Variants in TBC1D1 observed in about 807,000 individuals in gnomAD.
TBC1D1 encodes the protein TBC1 domain family member 1.
TBC1D1 carries 89 observed loss-of-function variants against 125.6 expected under a neutral mutation model. The ratio of observed to expected loss-of-function variants is 0.71; its 90% CI spans 0.60 to 0.85. The LOEUF is 0.85. TBC1D1 is among the 40% of genes least tolerant of loss of function. The pLI is 0.00. For synonymous variants in TBC1D1, 565 were observed against 564.1 expected (o/e 1.00, Z -0.02); for missense variants, 1,377 against 1,469.2 (o/e 0.94, Z 1.03).
chr4:38,058,876 G>C (rs1295092510), intron 12 of TBC1D1, among the ~76,000 whole-genome samples: 2 of 152,200 alleles, frequency 1.3e-5, no homozygotes, highest in Non-Finnish European at 2.9e-5. Flanking sequence ...TGGAGAGAAG[G>C]GTGTTAAGTG....
At chr4:37,994,443 C>T (rs1024149302) in intron 2 of TBC1D1, among the ~76,000 whole-genome samples, 4 of 152,186 alleles carry the variant, frequency 2.6e-5, no homozygotes, top group Non-Finnish European at 5.9e-5. Context: ...GTGTGCACCA[C>T]TGTGTTGCCC....
At chr4:38,117,000 T>C (rs776725131) in intron 16 of TBC1D1, among the ~76,000 whole-genome samples, 3 of 152,228 alleles carry the variant, frequency 2.0e-5, no homozygotes, top group Non-Finnish European at 4.4e-5. Flanking sequence ...CATAACACTT[T>C]CCACATGTAC....
Position 38,020,682 on chromosome 4 carries a change from C to G in TBC1D1, c.1064C>G (p.Thr355Arg). ...TTTGTCTGTTACGTGTTTCAGTGCA[C>G]AAATGAGGCTCTGGTGAGAGAGGAC... is the stretch of plus-strand genomic sequence containing the variant. Residue 355 changes from threonine (T) to arginine (R), a missense_variant, in exon 5 of 20, where the codon ACA becomes AGA. Physicochemically the swap from Thr to Arg is moderately conservative, Grantham distance 71 (BLOSUM62 -1). Coordinates refer to ENST00000261439, the MANE Select transcript of TBC1D1 (RefSeq NM_015173.4). The G allele has an allele frequency of 6.2e-7, 1 of 1,612,150 alleles. No individual in the cohort carries two copies. The highest frequency in any genetic ancestry group is 1.1e-5 in the South Asian group (1 of 91,070).
At chr4:38,013,967 A>G (rs1238397275) in intron 2 of TBC1D1, among the ~76,000 whole-genome samples, 1 of 152,250 alleles carries the variant, frequency 6.6e-6, no homozygotes, top group Non-Finnish European at 1.5e-5. Flanking sequence ...CTGGGATTTG[A>G]ATAAATAATT....
intron 2 of TBC1D1, among the ~76,000 whole-genome samples, chr4:37,928,914 A>G (rs1722703244): frequency 6.6e-6 from 1 of 152,216 alleles, no homozygotes; most frequent in Admixed American, 6.5e-5. Context: ...ACCACAGGCA[A>G]AATTCTCGGC....
chr4:38,103,181 G>A lies in TBC1D1; in HGVS notation c.2557+24G>A. On this transcript the variant is annotated intron_variant, in intron 15 of 19. Transcript: ENST00000261439. Reference sequence around the variant, plus strand: ...TGGTAAGTCTGTGCCATCGATTGGAGATGACAATGGAAGTTTCACTCACAT... The same window carrying A: ...TGGTAAGTCTGTGCCATCGATTGGAAATGACAATGGAAGTTTCACTCACAT... 3.1e-6 allele frequency: 5 copies of A among 1,590,678 alleles called. No individual in the cohort carries two copies. The South Asian group carries it at 3.4e-5, about 11-fold the overall frequency.
At chr4:38,096,613 C>A (rs948388412) in intron 14 of TBC1D1, among the ~76,000 whole-genome samples, 1 of 152,170 alleles carries the variant, frequency 6.6e-6, no homozygotes, top group Admixed American at 6.5e-5. Context: ...CATGTGTCTG[C>A]TATACTGTAA....
intron 12 of TBC1D1, among the ~76,000 whole-genome samples, chr4:38,065,978 C>T (rs73241083): frequency 0.026 from 3,902 of 152,286 alleles, 59 homozygotes; most frequent in Non-Finnish European, 0.04. Context: ...GAGATGAGGA[C>T]AGAAAGATTG....
At chr4:38,017,541 C>A (rs1301796210) in intron 3 of TBC1D1, among the ~76,000 whole-genome samples, 1 of 152,172 alleles carries the variant, frequency 6.6e-6, no homozygotes, top group Non-Finnish European at 1.5e-5. Context: ...GAGTATAATT[C>A]CCCTTGACTT....
intron 2 of TBC1D1, among the ~76,000 whole-genome samples, chr4:37,989,566 G>A (rs943761445): frequency 2.6e-5 from 4 of 152,178 alleles, no homozygotes; most frequent in Non-Finnish European, 4.4e-5. Context: ...AATGTTTTAC[G>A]GAGATTGATT....
chr4:38,028,917 A>G (rs1265013330), intron 7 of TBC1D1, among the ~76,000 whole-genome samples: 14 of 152,064 alleles, frequency 9.2e-5, no homozygotes, highest in Admixed American at 9.2e-4. Context: ...CATGCTGTCT[A>G]CTTGGAACCT....
chr4:38,101,667 A>G (rs1362420486), intron 14 of TBC1D1, among the ~76,000 whole-genome samples: 1 of 152,174 alleles, frequency 6.6e-6, no homozygotes, highest in East Asian at 1.9e-4. Context: ...CTTATCTTGC[A>G]GAAAGAAGCC....
chr4:37,966,725 T>A (rs1731149134), intron 2 of TBC1D1, among the ~76,000 whole-genome samples: 1 of 152,210 alleles, frequency 6.6e-6, no homozygotes, highest in African/African-American at 2.4e-5. Context: ...CAACTCATCA[T>A]TTACATTAGC....
At chr4:38,003,868 CAAA>C (rs5857592) in intron 2 of TBC1D1, among the ~76,000 whole-genome samples, 39 of 125,368 alleles carry the variant, frequency 3.1e-4, no homozygotes, top group Non-Finnish European at 3.7e-4. Flanking sequence ...GACCCTGTCT[CAAA>C]AAAAAAAAAA....
intron 5 of TBC1D1, 32 bp from the exon 6 acceptor site, chr4:38,021,554 T>C: frequency 6.8e-7 from 1 of 1,471,776 alleles, no homozygotes; most frequent in African/African-American, 1.4e-5. Context: ...ATTGACTTTT[T>C]GGTGACTACA....
At chr4:38,022,346 C>T (rs991046115) in intron 6 of TBC1D1, among the ~76,000 whole-genome samples, 1 of 152,190 alleles carries the variant, frequency 6.6e-6, no homozygotes, top group African/African-American at 2.4e-5. Context: ...ATTTAATCCT[C>T]ATCACATTTG....
At chr4:38,053,286 A>G (rs1751080536) in intron 11 of TBC1D1, 61 bp downstream of exon 13, 1 of 1,245,272 alleles carries the variant, frequency 8.0e-7, no homozygotes, top group African/African-American at 1.6e-5. Flanking sequence ...ATCATTAGAT[A>G]TACAAGGGTG....
intron 15 of TBC1D1, among the ~76,000 whole-genome samples, chr4:38,107,311 C>G (rs968632374): frequency 3.9e-5 from 6 of 152,238 alleles, no homozygotes; most frequent in Admixed American, 1.3e-4. Context: ...ACCTCCCCCA[C>G]TCCTCTCACC....
At chr4:38,122,988 G>A (rs985083234) in intron 17 of TBC1D1, among the ~76,000 whole-genome samples, 1 of 134,482 alleles carries the variant, frequency 7.4e-6, no homozygotes, top group Admixed American at 7.2e-5. Flanking sequence ...TTGATTTATT[G>A]TAAAAAAACC....
Sources: gnomAD v4.1 joint callset for allele counts (sites outside exome capture counted in the v4.1 genomes callset) on GRCh38, gnomAD v4.1.1 for gene constraint, MANE v1.5 for transcripts, NCBI Gene and HGNC (gene_info 2026-07-23, HGNC 2026-07-21) for gene names.